Variants in SCAPER observed in about 807,000 individuals in gnomAD.
The protein encoded by SCAPER is S-phase cyclin A associated protein in the ER.
SCAPER carries 98 observed loss-of-function variants against 182.2 expected under a neutral mutation model. The ratio of observed to expected loss-of-function variants is 0.54; its 90% confidence interval spans 0.46 to 0.64. The LOEUF is 0.64. Ranked by LOEUF, SCAPER falls within the 30% of genes least tolerant of loss-of-function variation. SCAPER has a pLI of 0.00. For missense variants in SCAPER, 1,432 were observed against 1,690.0 expected (o/e 0.85, Z 2.68); for synonymous variants, 605 against 564.6 (o/e 1.07, Z -1.01).
intron 23 of SCAPER, among the ~76,000 whole-genome samples, chr15:76,557,630 A>G (rs2046288746): frequency 6.6e-6 from 1 of 152,260 alleles, no homozygotes; most frequent in Admixed American, 6.5e-5. Flanking sequence ...GCCTTCCACC[A>G]TGACTATAAG....
chr15:76,537,517 G>A (rs899215750), intron 23 of SCAPER, among the ~76,000 whole-genome samples: 5 of 152,144 alleles, frequency 3.3e-5, no homozygotes, highest in Non-Finnish European at 5.9e-5. Context: ...CTAGCCATAT[G>A]TAGAAAGCTG....
chr15:76,457,341 G>T (rs2048817277), intron 25 of SCAPER, among the ~76,000 whole-genome samples: 1 of 152,216 alleles, frequency 6.6e-6, no homozygotes, highest in Non-Finnish European at 1.5e-5. Flanking sequence ...GGGATTATAG[G>T]CATGAGCCAC....
chr15:76,777,523 C>T (rs377531920), intron 8 of SCAPER, among the ~76,000 whole-genome samples: 12 of 133,520 alleles, frequency 9.0e-5, no homozygotes, highest in African/African-American at 3.2e-4. Flanking sequence ...GGTGAAACCC[C>T]ATCTCTACTA....
intron 16 of SCAPER, among the ~76,000 whole-genome samples, chr15:76,730,571 T>TA (rs897690884): frequency 4.0e-5 from 6 of 150,398 alleles, no homozygotes; most frequent in African/African-American, 4.9e-5. Flanking sequence ...TTTTCTCCAT[T>TA]AAAAAAAAAG....
At chr15:76,668,837 T>C (rs1289822644) in intron 20 of SCAPER, among the ~76,000 whole-genome samples, 1 of 152,186 alleles carries the variant, frequency 6.6e-6, no homozygotes, top group East Asian at 1.9e-4. Context: ...AGAGAGTCAA[T>C]GTAATAACAA....
chr15:76,851,529 T>C (rs1009580207), intron 4 of SCAPER, among the ~76,000 whole-genome samples: 9 of 152,170 alleles, frequency 5.9e-5, no homozygotes, highest in Non-Finnish European at 7.3e-5. Context: ...TGGGGGCCTA[T>C]ATCCAACATT....
chr15:76,857,976 G>A (rs2071550279), intron 3 of SCAPER, 97 bp from the exon 4 acceptor site: 7 of 832,476 alleles, frequency 8.4e-6, no homozygotes, highest in South Asian at 1.7e-5. Context: ...CCTAAACTAC[G>A]CAAATCATTC....
chr15:76,602,976 CTT>C (rs34097680), intron 22 of SCAPER, among the ~76,000 whole-genome samples: 7 of 57,842 alleles, frequency 1.2e-4, no homozygotes, highest in Admixed American at 2.3e-4. Context: ...AGCAAGAAAA[CTT>C]TTTTTTTTTT....
intron 21 of SCAPER, among the ~76,000 whole-genome samples, chr15:76,623,577 G>T (rs903866972): frequency 6.6e-6 from 1 of 152,000 alleles, no homozygotes; most frequent in Non-Finnish European, 1.5e-5. Flanking sequence ...ATTATTTCTG[G>T]GTTCTCTGTT....
intron 27 of SCAPER, among the ~76,000 whole-genome samples, chr15:76,387,936 G>T (rs991894886): frequency 2.6e-5 from 4 of 152,186 alleles, no homozygotes; most frequent in African/African-American, 9.7e-5. Context: ...CAGTTCAAAT[G>T]AGAAAACAGC....
chr15:76,741,234 C>A (rs959425251), intron 15 of SCAPER, among the ~76,000 whole-genome samples: 1 of 152,026 alleles, frequency 6.6e-6, no homozygotes, highest in Non-Finnish European at 1.5e-5. Flanking sequence ...AGGAAAATGT[C>A]TGAAACAGTG....
intron 17 of SCAPER, among the ~76,000 whole-genome samples, chr15:76,713,108 G>A (rs919476481): frequency 2.6e-5 from 4 of 152,106 alleles, no homozygotes; most frequent in African/African-American, 4.8e-5. Flanking sequence ...TTTGAGATAC[G>A]TACCATCAAT....
chr15:76,470,653 T>C (rs977511844), intron 25 of SCAPER, among the ~76,000 whole-genome samples: 20 of 152,210 alleles, frequency 1.3e-4, no homozygotes, highest in African/African-American at 3.4e-4. Flanking sequence ...GGCTATTACA[T>C]TGAGCTTACC....
intron 24 of SCAPER, among the ~76,000 whole-genome samples, chr15:76,500,572 GCAACACAAAGTTTTGGTA>G (rs1197918273): frequency 3.6e-4 from 55 of 152,016 alleles, no homozygotes; most frequent in Non-Finnish European, 2.1e-4. Context: ...CTACAAACTG[GCAACACAAAGTTTTGGTA>G]CAGCTGCTTC....
intron 25 of SCAPER, among the ~76,000 whole-genome samples, chr15:76,449,221 G>A (rs2048207115): frequency 6.6e-6 from 1 of 152,124 alleles, no homozygotes; most frequent in East Asian, 1.9e-4. Context: ...TTTAGAAAAA[G>A]TTTTGGTCTT....
At position 76,681,104 on chromosome 15, in the gene SCAPER, T is replaced by A. The variant is rs144998191; in HGVS notation, c.2509-15315A>T. 7.9e-4 allele frequency among the ~76,000 whole-genome samples: 121 copies of A among 152,312 alleles called. 2 individuals are homozygous for A. The East Asian group carries it at 0.022, about 28-fold the overall frequency. On this transcript the variant is annotated intron_variant, in intron 20 of 31. Coordinates refer to ENST00000563290, the MANE Select transcript of SCAPER (RefSeq NM_020843.4). ...TCATGGTGATGGTTCCATGGTGTTA[T>A]GTATATGCCAAAATTAATTAAATTG...
intron 23 of SCAPER, among the ~76,000 whole-genome samples, chr15:76,546,190 G>T (rs1435756314): frequency 3.3e-5 from 5 of 152,088 alleles, no homozygotes; most frequent in Non-Finnish European, 7.4e-5. Context: ...ATACACCCCA[G>T]GGTAGTGAAA....
intron 21 of SCAPER, among the ~76,000 whole-genome samples, chr15:76,631,095 C>G (rs1236981980): frequency 1.3e-5 from 2 of 152,116 alleles, no homozygotes; most frequent in African/African-American, 2.4e-5. Context: ...TCTGTTTTGT[C>G]AGAAACTAAG....
Position 76,596,620 on chromosome 15 carries a change from T to C in SCAPER, c.2712-22336A>G, listed in dbSNP as rs1281407115. Among the ~76,000 whole-genome samples the C allele has an allele frequency of 3.3e-5, 4 of 121,262 alleles. 1 individual carries two copies. The highest frequency in any genetic ancestry group is 8.0e-5 in the Non-Finnish European group (4 of 49,954). The allele number at this position is 121,262 out of a possible 152,430, so 79.6% of individuals were successfully genotyped here. A position where few individuals can be genotyped will look rare whatever the true frequency, so the allele number is the denominator to read the frequency against. ...ACATTAAAAAGCTTATCTACCATGA[T>C]CAAGTCGGCTTCATCCCTGGGATGC... On this transcript the variant is annotated intron_variant, in intron 22 of 31. Transcript: ENST00000563290.
Sources: gnomAD v4.1 joint callset for allele counts (sites outside exome capture counted in the v4.1 genomes callset) on GRCh38, gnomAD v4.1.1 for gene constraint, MANE v1.5 for transcripts, NCBI Gene and HGNC (gene_info 2026-07-23, HGNC 2026-07-21) for gene names.